TNFAIP3: variants seen among roughly 807,000 people sequenced by gnomAD.
TNFAIP3 encodes tumor necrosis factor alpha-induced protein 3.
A neutral mutation model predicts 72.4 loss-of-function variants in TNFAIP3; 9 were observed. The observed-to-expected ratio is 0.12, with a 90% CI of 0.07 to 0.22. The LOEUF is 0.22. TNFAIP3 is among the 10% of genes least tolerant of loss of function. TNFAIP3 has a pLI of 1.00. For missense variants in TNFAIP3, 833 were observed against 1,018.7 expected (o/e 0.82, Z 2.48); for synonymous variants, 339 against 372.6 (o/e 0.91, Z 1.04).
Position 137,879,152 on chromosome 6 carries a change from G to A in TNFAIP3, c.1707G>A (p.Arg569=), listed in dbSNP as rs1485694862. 1 of 1,614,104 alleles carries A rather than the reference G, an allele frequency of 6.2e-7. No homozygotes were observed. The highest frequency in any genetic ancestry group is 2.2e-5 in the East Asian group (1 of 44,878). The change falls in exon 7 of 9, where the codon CGG becomes CGA. Residue 569 remains arginine (R), a synonymous_variant. Coordinates refer to ENST00000612899, the MANE Select transcript of TNFAIP3 (RefSeq NM_001270508.2). ...AGCGTTCCAAGTCAGATCCCTCGCG[G>A]CTCGTCCGGAGCCCCTCCCCGCATT... is the stretch of plus-strand genomic sequence containing the variant. The part of the protein sequence containing the change: ...CHQRSKSDPS[R]LVRSPSPHSC...
At position 137,879,360 on chromosome 6, in the gene TNFAIP3, A is replaced by T. The variant is rs1298833971; in HGVS notation, c.1906+9A>T. ...GTACAGAGAAAACAAACGTGAGTGAAGTGGTTGACTTCCTAACACAGCGGC... is the reference window on the plus strand; with the variant it reads ...GTACAGAGAAAACAAACGTGAGTGATGTGGTTGACTTCCTAACACAGCGGC... On this transcript the variant is annotated intron_variant, in intron 7 of 8. Transcript: ENST00000612899. 1 of 1,606,676 alleles carries T rather than the reference A, an allele frequency of 6.2e-7. No homozygotes were observed. Among genetic ancestry groups the T allele is most frequent in the East Asian group, 2.2e-5 (1 of 44,732 alleles).
At chr6:137,876,312 AATGC>A (rs1234407798) in intron 5 of TNFAIP3, 146 bp downstream of exon 5, 1 of 698,044 alleles carries the variant, frequency 1.4e-6, no homozygotes, top group African/African-American at 1.8e-5. Flanking sequence ...TAGTAAGAGT[AATGC>A]AGTAGCAGTA....
At chr6:137,876,351 G>A in intron 5 of TNFAIP3, 185 bp downstream of exon 5, 1 of 574,828 alleles carries the variant, frequency 1.7e-6, no homozygotes, top group Non-Finnish European at 3.0e-6. Flanking sequence ...ATATCTTTTT[G>A]AATATGACTT....
intron 5 of TNFAIP3, 181 bp downstream of exon 5, chr6:137,876,347 T>C: frequency 3.4e-6 from 2 of 585,454 alleles, no homozygotes; most frequent in Admixed American, 3.2e-5. Context: ...CCTCATATCT[T>C]TTTGAATATG....
chr6:137,879,413 ACCTTT>A, intron 7 of TNFAIP3, 62 bp downstream of exon 7: 2 of 1,525,776 alleles, frequency 1.3e-6, no homozygotes, highest in Admixed American at 2.1e-5. Flanking sequence ...TTTGTTCCTG[ACCTTT>A]AAGAAAAAAA....
rs533061498 is a variant in TNFAIP3 at position 137,870,365 on chromosome 6, C to T, written c.-15-848C>T. Among the ~76,000 whole-genome samples the T allele has an allele frequency of 2.0e-5, 3 of 152,274 alleles. No homozygotes were observed. The South Asian group carries it at 6.2e-4, about 32-fold the overall frequency. ...CTCAAACTCCTGAGCTTAAGTGATC[C>T]TCCTCCCTCGACCTCCCAAAGTGCC... On this transcript the variant is annotated intron_variant, in intron 1 of 8. Coordinates refer to ENST00000612899, the MANE Select transcript of TNFAIP3 (RefSeq NM_001270508.2).
intron 8 of TNFAIP3, 92 bp downstream of exon 8, chr6:137,880,344 T>C: frequency 1.5e-6 from 2 of 1,370,872 alleles, no homozygotes; most frequent in Non-Finnish European, 2.0e-6. Context: ...CAGGCTTTCC[T>C]CTCTGCCAGG....
intron 7 of TNFAIP3, 125 bp downstream of exon 7, chr6:137,879,476 C>T: frequency 8.4e-7 from 1 of 1,186,676 alleles, no homozygotes; most frequent in Non-Finnish European, 1.2e-6. Flanking sequence ...CCGTGCTTTT[C>T]TACCAGCTTG....
At chr6:137,870,558 T>C (rs1405298402) in intron 1 of TNFAIP3, among the ~76,000 whole-genome samples, 1 of 152,274 alleles carries the variant, frequency 6.6e-6, no homozygotes, top group Non-Finnish European at 1.5e-5. Flanking sequence ...CGGTTTTAAC[T>C]CTTTATAAAC....
chr6:137,877,206 C>T lies in TNFAIP3; in HGVS notation c.936C>T (p.Ile312=), dbSNP rs1431948844. The T allele has an allele frequency of 3.1e-6, 5 of 1,613,642 alleles. No homozygotes were observed. The highest frequency in any genetic ancestry group is 4.2e-6 in the Non-Finnish European group (5 of 1,179,880). Residue 312 remains isoleucine, a synonymous_variant, in exon 6 of 9, where the codon ATC becomes ATT. Transcript: ENST00000612899. The stretch of plus-strand genomic sequence containing the variant: ...AAGAGTACTTAATGGTGATAGAAAT[C>T]CCCGTCCAAGGCTGGGACCATGGCA... The part of the protein sequence containing the change: ...LLKEYLMVIE[I]PVQGWDHGTT...
chr6:137,880,691 G>A (rs956834736), intron 8 of TNFAIP3, among the ~76,000 whole-genome samples: 20 of 152,182 alleles, frequency 1.3e-4, no homozygotes, highest in African/African-American at 4.6e-4. Context: ...AGCTTTGACA[G>A]ATAGGTGTGT....
Position 137,871,597 on chromosome 6 carries a change from TA to T in TNFAIP3, c.295+77del. 2 of 1,522,670 alleles carry T rather than the reference TA, an allele frequency of 1.3e-6. No individual in the cohort carries two copies. Among genetic ancestry groups the T allele is most frequent in the Non-Finnish European group, 1.8e-6 (2 of 1,125,796 alleles). 94.3% of individuals were successfully genotyped at this position (1,522,670 alleles called of 1,614,324 possible). On this transcript the variant is annotated intron_variant, in intron 2 of 8. Transcript: ENST00000612899. This position sits in a 1 kb window ranked among gnomAD's most constrained non-coding sequence, Gnocchi z 4.2. ...TGCTGGATCCCCATTCATGAAGCTT[TA>T]ATAGGACAAGCCCAAACTCAAATCA...
Position 137,882,739 on chromosome 6 carries a change from GCATCCCATGGTACC to G in TNFAIP3, c.*1422_*1435del, listed in dbSNP as rs1163605891. ...TCCTGGGGGGGCTGGGAAGTCCCCT[GCATCCCATGGTACC>G]CTGGTATTGGGACAGCAAAAGCCAG... On this transcript the variant is annotated 3_prime_UTR_variant, in exon 9 of 9. Coordinates refer to ENST00000612899, the MANE Select transcript of TNFAIP3 (RefSeq NM_001270508.2). 4.3e-6 allele frequency: 1 copy of G among 232,116 alleles called. No homozygotes were observed. 14.4% of individuals were successfully genotyped at this position (232,116 alleles called of 1,614,324 possible).
intron 2 of TNFAIP3, among the ~76,000 whole-genome samples, 162 bp from the exon 3 acceptor site, chr6:137,874,683 A>G (rs1776175705): frequency 6.6e-6 from 1 of 152,204 alleles, no homozygotes; most frequent in Non-Finnish European, 1.5e-5. Context: ...AGCTGTCATC[A>G]TCTTGTGAAA....
At position 137,878,961 on chromosome 6, in the gene TNFAIP3, G is replaced by T. The variant is rs780969004; in HGVS notation, c.1516G>T (p.Ala506Ser). ...ERCHNARQLH[A>S]SHAPDHTRHL... ...TTGCCACAACGCCCGGCAACTTCAC[G>T]CCAGCCACGCCCCAGACCACACAAG... The change falls in exon 7 of 9, where the codon GCC becomes TCC. Residue 506 changes from alanine (A) to serine (S), a missense_variant. Physicochemically the swap from Ala to Ser is moderately conservative, Grantham distance 99 (BLOSUM62 1). Coordinates refer to ENST00000612899, the MANE Select transcript of TNFAIP3 (RefSeq NM_001270508.2). The T allele has an allele frequency of 6.2e-7, 1 of 1,614,174 alleles. No homozygotes were observed. Among genetic ancestry groups the T allele is most frequent in the Non-Finnish European group, 8.5e-7 (1 of 1,180,042 alleles).
At chr6:137,874,468 T>G (rs1776165663) in intron 2 of TNFAIP3, among the ~76,000 whole-genome samples, 1 of 152,126 alleles carries the variant, frequency 6.6e-6, no homozygotes, top group South Asian at 2.1e-4. Flanking sequence ...AATCAAGGGA[T>G]GGTAGGAAGG....
intron 7 of TNFAIP3, among the ~76,000 whole-genome samples, chr6:137,879,814 T>G (rs1022512864): frequency 2.0e-5 from 3 of 152,262 alleles, no homozygotes; most frequent in Non-Finnish European, 2.9e-5. Context: ...AGGTAATGCC[T>G]GCTCCTTGCC....
At chr6:137,876,541 G>A (rs184303661) in intron 5 of TNFAIP3, among the ~76,000 whole-genome samples, 21 of 152,306 alleles carry the variant, frequency 1.4e-4, no homozygotes, top group Admixed American at 1.1e-3. Context: ...CACCCCCTGG[G>A]CTCAAGCAGT....
chr6:137,880,023 G>C (rs757491064), intron 7 of TNFAIP3, 48 bp from the exon 8 acceptor site: 1 of 1,563,656 alleles, frequency 6.4e-7, no homozygotes, highest in Non-Finnish European at 8.8e-7. Context: ...TCTCTGTATC[G>C]GTGGGGTGAC....
Sources: allele counts gnomAD v4.1 joint callset (sites outside exome capture counted in the v4.1 genomes callset), GRCh38; gene constraint gnomAD v4.1.1; non-coding constraint Gnocchi (gnomAD v3.1); transcripts MANE v1.5; gene names NCBI Gene and HGNC (gene_info 2026-07-23, HGNC 2026-07-21).